MCTP1: variants seen among roughly 807,000 people sequenced by gnomAD.
MCTP1 encodes multiple C2 and transmembrane domain containing 1.
A neutral mutation model predicts 120.6 loss-of-function variants in MCTP1; 69 were observed. The ratio of observed to expected loss-of-function variants is 0.57; its 90% CI spans 0.47 to 0.70. The LOEUF (loss-of-function observed/expected upper bound fraction) is 0.70. MCTP1 is among the 30% of genes least tolerant of loss of function. The probability of loss-of-function intolerance (pLI) is 0.00; values close to 1 mark genes in which losing one functional copy is unlikely to be tolerated. For missense variants in MCTP1, 1,203 were observed against 1,248.8 expected (o/e 0.96, Z 0.55); for synonymous variants, 529 against 493.1 (o/e 1.07, Z -0.96).
At chr5:95,252,056 G>T (rs1270951265) in intron 1 of MCTP1, among the ~76,000 whole-genome samples, 1 of 152,022 alleles carries the variant, frequency 6.6e-6, no homozygotes, top group Non-Finnish European at 1.5e-5. Flanking sequence ...AAGACAGAAA[G>T]AAATCGTACC....
intron 19 of MCTP1, among the ~76,000 whole-genome samples, chr5:94,760,794 T>C (rs1310610586): frequency 1.3e-5 from 2 of 151,966 alleles, no homozygotes; most frequent in East Asian, 3.9e-4. Context: ...CAAGTGATCC[T>C]CCTGCCTCAG....
intron 6 of MCTP1, chr5:94,929,764 T>C: frequency 1.4e-6 from 1 of 731,582 alleles, no homozygotes; most frequent in Non-Finnish European, 1.7e-6. Context: ...GGATTTAACA[T>C]TGCGCTCTTG....
At chr5:94,892,755 G>T (rs1420803129) in intron 11 of MCTP1, among the ~76,000 whole-genome samples, 2 of 152,120 alleles carry the variant, frequency 1.3e-5, no homozygotes, top group African/African-American at 4.8e-5. Flanking sequence ...AAATACACAT[G>T]TTCTTGCAGG....
At chr5:95,257,948 A>G (rs1201926022) in intron 1 of MCTP1, among the ~76,000 whole-genome samples, 1 of 152,214 alleles carries the variant, frequency 6.6e-6, no homozygotes, top group African/African-American at 2.4e-5. Context: ...TCCAAAGTAT[A>G]AAATAAATAT....
At chr5:94,807,399 C>T (rs997821577) in intron 17 of MCTP1, among the ~76,000 whole-genome samples, 22 of 152,098 alleles carry the variant, frequency 1.4e-4, no homozygotes, top group African/African-American at 4.8e-4. Context: ...AAGAAGAGAG[C>T]TGGGTAAAGT....
intron 1 of MCTP1, among the ~76,000 whole-genome samples, chr5:95,175,291 A>G (rs762784323): frequency 1.3e-5 from 2 of 152,160 alleles, no homozygotes; most frequent in Admixed American, 6.5e-5. Flanking sequence ...TGAGTTTTCA[A>G]TTGAGAGGGA....
chr5:94,716,170 A>G (rs1295686970), intron 19 of MCTP1, among the ~76,000 whole-genome samples: 1 of 152,226 alleles, frequency 6.6e-6, no homozygotes, highest in Non-Finnish European at 1.5e-5. Flanking sequence ...GATACCAGTT[A>G]CTTAGAGCCT....
At chr5:94,778,199 C>T (rs112019276) in intron 19 of MCTP1, among the ~76,000 whole-genome samples, 180 of 152,032 alleles carry the variant, frequency 1.2e-3, no homozygotes, top group African/African-American at 4.2e-3. Context: ...AAAAAAAATT[C>T]ACTGCTTTAC....
chr5:95,228,480 G>GAGAT (rs1754542891), intron 1 of MCTP1, among the ~76,000 whole-genome samples: 1 of 150,778 alleles, frequency 6.6e-6, no homozygotes, highest in Non-Finnish European at 1.5e-5. Context: ...AAGAGAGAGA[G>GAGAT]AGAGAGAGAG....
chr5:94,776,773 A>T (rs1278831841), intron 19 of MCTP1, among the ~76,000 whole-genome samples: 1 of 152,110 alleles, frequency 6.6e-6, no homozygotes, highest in Non-Finnish European at 1.5e-5. Context: ...ACTTTAAATA[A>T]AGGAACCAAC....
chr5:94,991,797 AACCCAGG>A (rs1317696904), intron 2 of MCTP1, among the ~76,000 whole-genome samples: 2 of 152,022 alleles, frequency 1.3e-5, no homozygotes, highest in African/African-American at 4.8e-5. Flanking sequence ...GAATCGCTTG[AACCCAGG>A]AGGTGGAAGT....
chr5:94,990,975 T>C (rs1193338164), intron 2 of MCTP1, among the ~76,000 whole-genome samples: 1 of 152,140 alleles, frequency 6.6e-6, no homozygotes, highest in Non-Finnish European at 1.5e-5. Flanking sequence ...AAAAGAGGTG[T>C]GCAATGCTTT....
At chr5:94,945,570 C>T (rs894215848) in intron 3 of MCTP1, among the ~76,000 whole-genome samples, 4 of 152,134 alleles carry the variant, frequency 2.6e-5, no homozygotes, top group Non-Finnish European at 5.9e-5. Flanking sequence ...CTGTTCTAGG[C>T]ATTTGAAATA....
intron 2 of MCTP1, among the ~76,000 whole-genome samples, chr5:95,001,725 G>A (rs1381005540): frequency 1.3e-5 from 2 of 152,112 alleles, no homozygotes; most frequent in Non-Finnish European, 2.9e-5. Flanking sequence ...TCAAGAGAAA[G>A]CAGAGCATAA....
chr5:95,055,871 G>A (rs769720225), intron 1 of MCTP1, among the ~76,000 whole-genome samples: 10 of 151,958 alleles, frequency 6.6e-5, no homozygotes, highest in Non-Finnish European at 1.5e-4. Context: ...AACAATACCT[G>A]GCTTATAAGC....
At chr5:94,939,890 T>C (rs1561891541) in intron 5 of MCTP1, among the ~76,000 whole-genome samples, 194 bp downstream of exon 5, 1 of 152,028 alleles carries the variant, frequency 6.6e-6, no homozygotes, top group East Asian at 1.9e-4. Flanking sequence ...GGTTCTGATC[T>C]GGAGGATGTA....
intron 2 of MCTP1, among the ~76,000 whole-genome samples, chr5:94,972,436 A>G (rs1474617071): frequency 6.6e-6 from 1 of 152,088 alleles, no homozygotes; most frequent in African/African-American, 2.4e-5. Context: ...CCCTTCAGAG[A>G]ATATCTTATT....
Position 95,040,833 on chromosome 5 carries a change from C to T in MCTP1, c.721-23349G>A, listed in dbSNP as rs555142871. Among the ~76,000 whole-genome samples the T allele has an allele frequency of 2.6e-5, 4 of 152,258 alleles. No individual in the cohort carries two copies. In the South Asian group the frequency reaches 8.3e-4, roughly 32 times the overall value. ...GGACTTGGTTGAGAATGCTGGAACA[C>T]AAGGGCTCAATCTTTCCTCCTGGGT... is the stretch of plus-strand genomic sequence containing the variant. On this transcript the variant is annotated intron_variant, in intron 1 of 22. Coordinates refer to ENST00000515393, the MANE Select transcript of MCTP1 (RefSeq NM_024717.7).
In MCTP1 at chr5:94,806,051, T is replaced by C. The variant is rs75416429; in HGVS notation, c.2437-6919A>G. Among the ~76,000 whole-genome samples, 772 of 151,892 alleles carry C rather than the reference T, an allele frequency of 5.1e-3. 4 individuals are homozygous for C. The highest frequency in any genetic ancestry group is 0.018 in the African/African-American group (761 of 41,382). The stretch of plus-strand genomic sequence containing the variant: ...ACTTCTTAGGTGTTCTGGTAGAGGT[T>C]TGGTATGGCAAAGAGGTCAAAAACT... On this transcript the variant is annotated intron_variant, in intron 17 of 22. Coordinates refer to ENST00000515393, the MANE Select transcript of MCTP1 (RefSeq NM_024717.7).
Sources: allele counts gnomAD v4.1 joint callset (sites outside exome capture counted in the v4.1 genomes callset), GRCh38; gene constraint gnomAD v4.1.1; transcripts MANE v1.5; gene names NCBI Gene and HGNC (gene_info 2026-07-23, HGNC 2026-07-21).